Variants in IQUB observed in about 807,000 individuals in gnomAD.
IQUB encodes the protein IQ motif and ubiquitin-like domain-containing protein.
A neutral mutation model predicts 86.4 loss-of-function variants in IQUB; 86 were observed. The observed-to-expected ratio is 1.00, with a 90% CI of 0.84 to 1.19. IQUB has a LOEUF of 1.19. Ranked by LOEUF, IQUB falls within the 50% of genes most tolerant of loss-of-function variation. The pLI is 0.00. For missense variants in IQUB, 946 were observed against 916.9 expected (o/e 1.03, Z -0.41); for synonymous variants, 289 against 304.5 (o/e 0.95, Z 0.53).
intron 1 of IQUB, among the ~76,000 whole-genome samples, chr7:123,525,830 T>C (rs930891497): frequency 6.6e-5 from 10 of 151,430 alleles, no homozygotes; most frequent in African/African-American, 2.4e-4. Context: ...CTTTCTCTTG[T>C]GGGCATTTAG....
chr7:123,478,601 A>T (rs931113790), intron 8 of IQUB, among the ~76,000 whole-genome samples: 19 of 152,298 alleles, frequency 1.2e-4, no homozygotes, highest in Non-Finnish European at 2.8e-4. Context: ...GCTAAAGCAG[A>T]GGACTTAGTA....
At chr7:123,499,649 G>A (rs1795853482) in intron 6 of IQUB, among the ~76,000 whole-genome samples, 1 of 152,158 alleles carries the variant, frequency 6.6e-6, no homozygotes, top group Non-Finnish European at 1.5e-5. Context: ...ATGAAGAAAA[G>A]CCTAGTAAGG....
At chr7:123,507,270 G>T (rs1013692122) in intron 3 of IQUB, among the ~76,000 whole-genome samples, 2 of 152,156 alleles carry the variant, frequency 1.3e-5, no homozygotes, top group Non-Finnish European at 1.5e-5. Context: ...TTCACTTTCA[G>T]TGCAGTATGC....
chr7:123,525,680 G>C (rs903270754), intron 1 of IQUB, among the ~76,000 whole-genome samples: 3 of 152,022 alleles, frequency 2.0e-5, no homozygotes, highest in Admixed American at 6.6e-5. Flanking sequence ...TTTTTGAAGG[G>C]TTTTTTGTGT....
chr7:123,521,480 A>G (rs1030543161), intron 1 of IQUB, among the ~76,000 whole-genome samples: 2 of 152,060 alleles, frequency 1.3e-5, no homozygotes, highest in Admixed American at 1.3e-4. Flanking sequence ...CTGTCTCTAC[A>G]AAAAATACAA....
intron 11 of IQUB, among the ~76,000 whole-genome samples, chr7:123,461,122 A>G (rs1439336893): frequency 2.6e-5 from 4 of 151,800 alleles, no homozygotes; most frequent in Non-Finnish European, 4.4e-5. Flanking sequence ...AAAGTCATTC[A>G]TTCATTCAAC....
chr7:123,453,496 A>T (rs1793546644), intron 12 of IQUB, among the ~76,000 whole-genome samples: 1 of 151,440 alleles, frequency 6.6e-6, no homozygotes, highest in Admixed American at 6.6e-5. Flanking sequence ...TGAGAGTGGG[A>T]AGACTCACCT....
rs543186130 is a variant in IQUB, at chr7:123,452,348, C to T, written c.*395G>A. ...AGAGCACTTTATAATGTTTCCTCCC[C>T]TCCACATACTGATTAGCTTCCTATA... On this transcript the variant is annotated 3_prime_UTR_variant, in exon 13 of 13. Coordinates refer to ENST00000324698, the MANE Select transcript of IQUB (RefSeq NM_178827.5). 5 of 153,348 alleles carry T rather than the reference C, an allele frequency of 3.3e-5. No individual in the cohort carries two copies. In the South Asian group the frequency reaches 1.0e-3, roughly 32 times the overall value. 9.5% of individuals were successfully genotyped at this position (153,348 alleles called of 1,614,324 possible). A position where few individuals can be genotyped will look rare whatever the true frequency, so the allele number is the denominator to read the frequency against.
At chr7:123,505,044 C>T (rs1796115818) in intron 3 of IQUB, among the ~76,000 whole-genome samples, 1 of 152,204 alleles carries the variant, frequency 6.6e-6, no homozygotes, top group Non-Finnish European at 1.5e-5. Flanking sequence ...AAAGGGGCTA[C>T]ACATCTCATG....
intron 8 of IQUB, among the ~76,000 whole-genome samples, chr7:123,472,801 C>A (rs117168855): frequency 6.6e-6 from 1 of 152,166 alleles, no homozygotes. Flanking sequence ...TTAACTCTGA[C>A]GCAGGAAAAA....
At chr7:123,468,543 C>G (rs1308700955) in intron 9 of IQUB, among the ~76,000 whole-genome samples, 1 of 43,260 alleles carries the variant, frequency 2.3e-5, no homozygotes, top group East Asian at 5.6e-4. Flanking sequence ...CCATCCAATA[C>G]GTGGTCAAAA....
chr7:123,481,208 G>A (rs1286255160), intron 7 of IQUB, among the ~76,000 whole-genome samples: 1 of 151,956 alleles, frequency 6.6e-6, no homozygotes, highest in African/African-American at 2.4e-5. Flanking sequence ...TGTGCCACAT[G>A]GTATTCCTTT....
At chr7:123,453,478 G>A (rs1793544897) in intron 12 of IQUB, among the ~76,000 whole-genome samples, 2 of 150,730 alleles carry the variant, frequency 1.3e-5, no homozygotes, top group African/African-American at 4.9e-5. Flanking sequence ...GCCTTTGAAA[G>A]GGACTTTTGA....
chr7:123,507,025 G>A (rs2117231402), intron 3 of IQUB, among the ~76,000 whole-genome samples: 2 of 152,224 alleles, frequency 1.3e-5, no homozygotes, highest in South Asian at 4.1e-4. Context: ...TTTGTGTCAT[G>A]GAAACTTTAT....
chr7:123,487,272 A>T (rs115886075), intron 7 of IQUB, among the ~76,000 whole-genome samples: 297 of 152,280 alleles, frequency 2.0e-3, no homozygotes, highest in African/African-American at 6.8e-3. Context: ...TCTTTTCTTT[A>T]TAAATTACCC....
chr7:123,458,671 T>C (rs916978407), intron 11 of IQUB, among the ~76,000 whole-genome samples: 6 of 152,064 alleles, frequency 3.9e-5, no homozygotes, highest in African/African-American at 1.2e-4. Context: ...AATTTTGAAA[T>C]TGTATCATAC....
In IQUB at chr7:123,484,354, T is replaced by C. The variant is rs148638801; in HGVS notation, c.1235-4384A>G. On this transcript the variant is annotated intron_variant, in intron 7 of 12. Transcript: ENST00000324698. Reference sequence around the variant, plus strand: ...AAGAACTTTAAGAACTATGATAAAATCTATATACCAAAAAGCAGTTTATGA... The same window carrying C: ...AAGAACTTTAAGAACTATGATAAAACCTATATACCAAAAAGCAGTTTATGA... Among the ~76,000 whole-genome samples, 618 of 152,110 alleles carry C rather than the reference T, an allele frequency of 4.1e-3. 11 individuals carry two copies. Among genetic ancestry groups the C allele is most frequent in the East Asian group, 0.034 (175 of 5,180 alleles).
intron 1 of IQUB, among the ~76,000 whole-genome samples, chr7:123,529,255 T>G (rs994880107): frequency 9.2e-5 from 14 of 152,068 alleles, no homozygotes; most frequent in Non-Finnish European, 1.5e-4. Flanking sequence ...CATTTAAATT[T>G]GTTTATGATC....
At position 123,460,410 on chromosome 7, in the gene IQUB, T is replaced by C. The variant is rs549812873; in HGVS notation, c.2007+947A>G. Among the ~76,000 whole-genome samples, 3 of 113,116 alleles carry C rather than the reference T, an allele frequency of 2.7e-5. No homozygotes were observed. The South Asian group carries it at 8.9e-4, about 34-fold the overall frequency. 74.2% of individuals were successfully genotyped at this position (113,116 alleles called of 152,430 possible). On this transcript the variant is annotated intron_variant, in intron 11 of 12. Transcript: ENST00000324698. ...AACAAAGCACATCACATTTGGTATC[T>C]TTTTTTTAATCTCTATAAAGTTTTC...
Sources: allele counts gnomAD v4.1 joint callset (sites outside exome capture counted in the v4.1 genomes callset), GRCh38; gene constraint gnomAD v4.1.1; transcripts MANE v1.5; gene names NCBI Gene and HGNC (gene_info 2026-07-23, HGNC 2026-07-21).